Variants in PTPRD observed in about 807,000 individuals in gnomAD.
The protein encoded by PTPRD is receptor-type tyrosine-protein phosphatase delta.
A neutral mutation model predicts 214.5 loss-of-function variants in PTPRD; 34 were observed. The ratio of observed to expected loss-of-function variants is 0.16; its 90% CI spans 0.12 to 0.21. The LOEUF is 0.21. Among genes scored for constraint, PTPRD ranks in the 10% least tolerant of loss-of-function variants. The pLI is 1.00. For synonymous variants in PTPRD, 1,128 were observed against 845.7 expected (o/e 1.33, Z -5.79); for missense variants, 2,545 against 2,398.7 (o/e 1.06, Z -1.27).
intron 3 of PTPRD, among the ~76,000 whole-genome samples, chr9:10,096,174 T>C (rs1421148540): frequency 6.6e-6 from 1 of 151,680 alleles, no homozygotes; most frequent in Non-Finnish European, 1.5e-5. Flanking sequence ...TCTTCTACGG[T>C]ACACTACTAG....
intron 9 of PTPRD, among the ~76,000 whole-genome samples, chr9:9,260,163 T>C (rs1040744475): frequency 6.6e-6 from 1 of 151,898 alleles, no homozygotes; most frequent in African/African-American, 2.4e-5. Context: ...TATCTTATCC[T>C]TGACTTTCAA....
At chr9:8,381,480 C>G (rs1374150456) in intron 37 of PTPRD, among the ~76,000 whole-genome samples, 1 of 151,936 alleles carries the variant, frequency 6.6e-6, no homozygotes, top group African/African-American at 2.4e-5. Context: ...TGCACTCAAT[C>G]AATATTTGGC....
intron 3 of PTPRD, among the ~76,000 whole-genome samples, chr9:10,263,921 T>C (rs1009551509): frequency 1.3e-5 from 2 of 152,080 alleles, no homozygotes; most frequent in African/African-American, 4.8e-5. Context: ...CTTGGTGTTC[T>C]GCATCTCAAA....
At chr9:10,594,518 A>G (rs1298023730) in intron 2 of PTPRD, among the ~76,000 whole-genome samples, 10 of 152,016 alleles carry the variant, frequency 6.6e-5, no homozygotes, top group Admixed American at 5.9e-4. Flanking sequence ...TGAACTGCTG[A>G]TTGCCTTGAA....
intron 10 of PTPRD, among the ~76,000 whole-genome samples, chr9:9,164,479 T>C (rs2099897582): frequency 6.6e-6 from 1 of 152,184 alleles, no homozygotes; most frequent in African/African-American, 2.4e-5. Flanking sequence ...AAAAAACTTT[T>C]TGACACAGAA....
rs553245496 is a variant in PTPRD, at chr9:9,021,925, A to C, written c.-142-3190T>G. 2.6e-5 allele frequency among the ~76,000 whole-genome samples: 4 copies of C among 151,984 alleles called. 1 individual carries two copies. In the South Asian group the frequency reaches 8.3e-4, roughly 32 times the overall value. On this transcript the variant is annotated intron_variant, in intron 10 of 45. Transcript: ENST00000381196. ...AAGTAAAAAATCTTAGCTTACAATG[A>C]GAACACGTGGACACAGGGAGGGGAA...
chr9:9,455,651 T>C (rs1220918095), intron 8 of PTPRD, among the ~76,000 whole-genome samples: 2 of 151,640 alleles, frequency 1.3e-5, no homozygotes, highest in Non-Finnish European at 3.0e-5. Flanking sequence ...GAATCAGAAA[T>C]TTGGAGCTTT....
At chr9:9,731,196 G>A (rs1392158393) in intron 7 of PTPRD, among the ~76,000 whole-genome samples, 1 of 151,898 alleles carries the variant, frequency 6.6e-6, no homozygotes, top group East Asian at 1.9e-4. Flanking sequence ...TTTTTTACTT[G>A]AGAATTATAT....
At chr9:9,239,508 T>C (rs2099969236) in intron 9 of PTPRD, among the ~76,000 whole-genome samples, 2 of 152,012 alleles carry the variant, frequency 1.3e-5, no homozygotes. Flanking sequence ...AAGAAAAAAA[T>C]TACCCTTAAC....
chr9:9,889,406 C>A lies in PTPRD; in HGVS notation c.-368+49101G>T, dbSNP rs1051119662. On this transcript the variant is annotated intron_variant, in intron 5 of 45. Transcript: ENST00000381196. ...AATTTTATTTTTCAATTAAAAAATA[C>A]AAATTTAAAAGTATTTAAATAAATA... is the stretch of plus-strand genomic sequence containing the variant. Among the ~76,000 whole-genome samples, 3 of 151,996 alleles carry A rather than the reference C, an allele frequency of 2.0e-5. No individual in the cohort carries two copies. In the South Asian group the frequency reaches 6.2e-4, roughly 32 times the overall value.
chr9:8,503,234 T>C (rs1057237637), intron 23 of PTPRD, among the ~76,000 whole-genome samples: 4 of 152,096 alleles, frequency 2.6e-5, no homozygotes, highest in Non-Finnish European at 4.4e-5. Flanking sequence ...CTTATTTGTA[T>C]GGAAGGAAAT....
At chr9:8,815,611 A>G (rs2096904222) in intron 11 of PTPRD, among the ~76,000 whole-genome samples, 1 of 152,232 alleles carries the variant, frequency 6.6e-6, no homozygotes, top group Non-Finnish European at 1.5e-5. Context: ...CAAAAGTTAG[A>G]AAGTGTTGCA....
chr9:9,279,847 C>T (rs2133472026), intron 9 of PTPRD, among the ~76,000 whole-genome samples: 1 of 151,188 alleles, frequency 6.6e-6, no homozygotes. Flanking sequence ...TATGGTCATA[C>T]TTATACATTC....
At chr9:10,078,538 A>T (rs1438928906) in intron 3 of PTPRD, among the ~76,000 whole-genome samples, 1 of 140,840 alleles carries the variant, frequency 7.1e-6, no homozygotes, top group African/African-American at 2.8e-5. Flanking sequence ...AAAAAAAAAA[A>T]GAAAGAACCC....
chr9:9,337,095 C>T (rs540804200), intron 9 of PTPRD, among the ~76,000 whole-genome samples: 1 of 152,256 alleles, frequency 6.6e-6, no homozygotes, highest in East Asian at 1.9e-4. Flanking sequence ...ATGGGCTGTA[C>T]TTTCCCAACA....
At chr9:10,110,233 G>C (rs1336995531) in intron 3 of PTPRD, among the ~76,000 whole-genome samples, 5 of 152,164 alleles carry the variant, frequency 3.3e-5, no homozygotes, top group Non-Finnish European at 7.4e-5. Context: ...TTATGAAGTA[G>C]CTCCTACATT....
chr9:9,201,003 T>C (rs1469454153), intron 9 of PTPRD, among the ~76,000 whole-genome samples: 3 of 152,120 alleles, frequency 2.0e-5, no homozygotes, highest in African/African-American at 4.8e-5. Flanking sequence ...TAAACACCGT[T>C]TTACTGAAGG....
At chr9:8,445,902 G>C (rs2095706899) in intron 34 of PTPRD, among the ~76,000 whole-genome samples, 1 of 152,132 alleles carries the variant, frequency 6.6e-6, no homozygotes, top group South Asian at 2.1e-4. Flanking sequence ...AGTACCTCTA[G>C]CTGCCAGCAC....
At chr9:9,516,022 T>C (rs1468157333) in intron 8 of PTPRD, among the ~76,000 whole-genome samples, 1 of 152,144 alleles carries the variant, frequency 6.6e-6, no homozygotes, top group Admixed American at 6.6e-5. Flanking sequence ...TGTACCCATA[T>C]GCAAGCATTC....
Sources: allele counts gnomAD v4.1 joint callset (sites outside exome capture counted in the v4.1 genomes callset), GRCh38; gene constraint gnomAD v4.1.1; transcripts MANE v1.5; gene names NCBI Gene and HGNC (gene_info 2026-07-23, HGNC 2026-07-21).